The following CCDC28A variants were observed in gnomAD, a reference collection of about 807,000 sequenced individuals.
The protein encoded by CCDC28A is coiled-coil domain containing 28A, also known as coiled-coil domain-containing protein 28A.
CCDC28A carries 24 observed loss-of-function variants against 22.1 expected under a neutral mutation model. The observed-to-expected ratio is 1.09, with a 90% CI of 0.79 to 1.53. The LOEUF is 1.53. Among genes scored for constraint, CCDC28A ranks in the 40% most tolerant of loss-of-function variants. The pLI, the probability that CCDC28A is intolerant of heterozygous loss-of-function variation, is 0.00. For synonymous variants in CCDC28A, 83 were observed against 74.7 expected (o/e 1.11, Z -0.57); for missense variants, 170 against 210.7 (o/e 0.81, Z 1.20).
At chr6:138,781,147 T>G (rs916570917) in intron 3 of CCDC28A, among the ~76,000 whole-genome samples, 9 of 152,232 alleles carry the variant, frequency 5.9e-5, no homozygotes, top group African/African-American at 1.9e-4. Context: ...TTTTCATTAT[T>G]TAATACAAAT....
intron 4 of CCDC28A, among the ~76,000 whole-genome samples, chr6:138,785,898 TTTG>T (rs1478931743): frequency 6.6e-6 from 1 of 152,202 alleles, no homozygotes; most frequent in Non-Finnish European, 1.5e-5. Flanking sequence ...ATTAATACAT[TTTG>T]TGTTATTTAC....
At chr6:138,791,328 T>TGAG (rs1775166175) in intron 5 of CCDC28A, among the ~76,000 whole-genome samples, 1 of 152,118 alleles carries the variant, frequency 6.6e-6, no homozygotes, top group South Asian at 2.1e-4. Flanking sequence ...GCAGTCCTCC[T>TGAG]GCCTCAGCCT....
intron 3 of CCDC28A, among the ~76,000 whole-genome samples, chr6:138,783,996 A>T (rs1246661357): frequency 7.1e-6 from 1 of 141,678 alleles, no homozygotes; most frequent in Non-Finnish European, 1.5e-5. Flanking sequence ...TCCCACCTCA[A>T]CCTCCCAAGT....
In CCDC28A at chr6:138,776,305, C is replaced by T. The variant is rs1449692666; in HGVS notation, c.158+27C>T. ...TGAATTCTTTTATTTTACATGTTCA[C>T]AGTAAAATGCCATTAAAGTAAATCC... On this transcript the variant is annotated intron_variant, in intron 2 of 5. Coordinates refer to ENST00000617445, the MANE Select transcript of CCDC28A (RefSeq NM_015439.3). The T allele has an allele frequency of 4.6e-6, 7 of 1,517,712 alleles. No individual in the cohort carries two copies. In the East Asian group the frequency reaches 1.1e-4, roughly 24 times the overall value. The allele number at this position is 1,517,712 out of a possible 1,614,324, so 94.0% of individuals were successfully genotyped here. A position where few individuals can be genotyped will look rare whatever the true frequency, so the allele number is the denominator to read the frequency against.
chr6:138,787,575 C>A (rs1775111631), intron 4 of CCDC28A, among the ~76,000 whole-genome samples: 1 of 152,040 alleles, frequency 6.6e-6, no homozygotes, highest in Non-Finnish European at 1.5e-5. Flanking sequence ...AGATTTTGAT[C>A]ATTAAAATGG....
intron 4 of CCDC28A, among the ~76,000 whole-genome samples, chr6:138,787,403 T>G (rs982359207): frequency 2.6e-5 from 4 of 152,178 alleles, no homozygotes; most frequent in African/African-American, 9.7e-5. Context: ...TGAACTTTCC[T>G]ACCTGTAGAA....
At chr6:138,790,235 G>C (rs9495252) in intron 5 of CCDC28A, among the ~76,000 whole-genome samples, 42,380 of 151,988 alleles carry the variant, frequency 0.28, 6,523 homozygotes, top group African/African-American at 0.41. Context: ...ACTGCAACCT[G>C]CTTCTCTGGG....
intron 1 of CCDC28A, 138 bp downstream of exon 1, chr6:138,774,040 G>C: frequency 9.5e-7 from 1 of 1,047,588 alleles, no homozygotes. Context: ...GATGTCAAGA[G>C]GGATGCCCAG....
intron 3 of CCDC28A, among the ~76,000 whole-genome samples, chr6:138,782,974 G>T (rs1017877464): frequency 6.6e-6 from 1 of 151,936 alleles, no homozygotes; most frequent in African/African-American, 2.4e-5. Context: ...TACTATCAAG[G>T]GATTGCAGAG....
chr6:138,778,468 C>G (rs1382509273), intron 2 of CCDC28A, among the ~76,000 whole-genome samples: 1 of 152,178 alleles, frequency 6.6e-6, no homozygotes, highest in East Asian at 1.9e-4. Flanking sequence ...CATCACTCAA[C>G]TATTTGAGAG....
intron 3 of CCDC28A, among the ~76,000 whole-genome samples, chr6:138,784,800 T>G (rs1463908142): frequency 6.6e-6 from 1 of 151,840 alleles, no homozygotes; most frequent in African/African-American, 2.4e-5. Flanking sequence ...TTCAAGCGAT[T>G]CTCCTGTCTC....
intron 5 of CCDC28A, among the ~76,000 whole-genome samples, chr6:138,789,629 A>G (rs1775141502): frequency 6.6e-6 from 1 of 152,146 alleles, no homozygotes; most frequent in African/African-American, 2.4e-5. Context: ...GTTCAAGACC[A>G]GCCTGGCCAA....
At chr6:138,785,005 A>G (rs912335037) in intron 3 of CCDC28A, among the ~76,000 whole-genome samples, 4 of 152,168 alleles carry the variant, frequency 2.6e-5, no homozygotes, top group Admixed American at 6.5e-5. Context: ...AATATTTCCC[A>G]TATGATTTTC....
intron 2 of CCDC28A, among the ~76,000 whole-genome samples, chr6:138,777,057 A>G (rs1336114074): frequency 1.3e-5 from 2 of 152,206 alleles, no homozygotes; most frequent in African/African-American, 4.8e-5. Flanking sequence ...TGAGTATTTT[A>G]TAGTATTAGA....
intron 1 of CCDC28A, 35 bp downstream of exon 1, chr6:138,773,937 G>T: frequency 6.2e-7 from 1 of 1,603,914 alleles, no homozygotes; most frequent in Non-Finnish European, 8.5e-7. Context: ...TCCGCAACCT[G>T]CCCCTTTAGG....
chr6:138,785,461 T>C, intron 4 of CCDC28A, 80 bp downstream of exon 4: 1 of 1,052,770 alleles, frequency 9.5e-7, no homozygotes, highest in South Asian at 1.5e-5. Context: ...TATTTTAATG[T>C]ATACAATCAC....
intron 5 of CCDC28A, among the ~76,000 whole-genome samples, chr6:138,791,726 A>G (rs999833630): frequency 6.6e-6 from 1 of 152,214 alleles, no homozygotes; most frequent in African/African-American, 2.4e-5. Flanking sequence ...GACCACTTCC[A>G]TAAAGGATTT....
At chr6:138,791,048 T>G (rs1210109608) in intron 5 of CCDC28A, among the ~76,000 whole-genome samples, 1 of 152,184 alleles carries the variant, frequency 6.6e-6, no homozygotes, top group African/African-American at 2.4e-5. Flanking sequence ...TATCTCAATT[T>G]TTATAATGAT....
intron 3 of CCDC28A, among the ~76,000 whole-genome samples, chr6:138,782,765 C>G (rs776906217): frequency 3.9e-5 from 6 of 152,160 alleles, no homozygotes; most frequent in Admixed American, 6.5e-5. Flanking sequence ...AGAGCCATAA[C>G]TAGCTTCAAC....
Sources: gnomAD v4.1 joint callset for allele counts (sites outside exome capture counted in the v4.1 genomes callset) on GRCh38, gnomAD v4.1.1 for gene constraint, MANE v1.5 for transcripts, NCBI Gene and HGNC (gene_info 2026-07-23, HGNC 2026-07-21) for gene names.